Variants in FAHD2A observed in about 807,000 individuals in gnomAD.
FAHD2A encodes fumarylacetoacetate hydrolase domain containing 2A.
FAHD2A carries 27 observed loss-of-function variants against 33.4 expected under a neutral mutation model. The ratio of observed to expected loss-of-function variants is 0.81; its 90% CI spans 0.60 to 1.11. The LOEUF (loss-of-function observed/expected upper bound fraction) is 1.11. Ranked by LOEUF, FAHD2A falls within the 50% of genes most tolerant of loss-of-function variation. FAHD2A has a pLI of 0.00. For missense variants in FAHD2A, 296 were observed against 395.0 expected, an observed-to-expected ratio of 0.75 and a Z score of 2.12; for synonymous variants, 130 against 153.3, an observed-to-expected ratio of 0.85 and a Z score of 1.12.
intron 5 of FAHD2A, among the ~76,000 whole-genome samples, 164 bp from the exon 6 acceptor site, chr2:95,412,270 A>G (rs749073955): frequency 2.6e-5 from 4 of 151,976 alleles, no homozygotes; most frequent in African/African-American, 4.8e-5. Flanking sequence ...GAGAAGGCCA[A>G]TGTCTATACA....
chr2:95,411,101 C>G, intron 5 of FAHD2A, 75 bp downstream of exon 5: 1 of 1,579,034 alleles, frequency 6.3e-7, no homozygotes, highest in Non-Finnish European at 8.6e-7. Context: ...AGCATGGGTT[C>G]AGGTACATGT....
intron 3 of FAHD2A, among the ~76,000 whole-genome samples, chr2:95,409,101 G>A (rs1682074600): frequency 6.6e-6 from 1 of 152,212 alleles, no homozygotes; most frequent in East Asian, 1.9e-4. Flanking sequence ...ATCCCACTGG[G>A]AGGCTCATGT....
chr2:95,410,429 G>A, intron 3 of FAHD2A, 98 bp from the exon 4 acceptor site: 1 of 1,493,042 alleles, frequency 6.7e-7, no homozygotes. Flanking sequence ...AAGCCATACT[G>A]ACAAAGGTTG....
At chr2:95,410,398 G>C (rs2104368136) in intron 3 of FAHD2A, 129 bp from the exon 4 acceptor site, 1 of 1,256,866 alleles carries the variant, frequency 8.0e-7, no homozygotes, top group East Asian at 2.6e-5. Flanking sequence ...TCGTGGTGAT[G>C]GCAAACATGG....
chr2:95,420,836 A>C (rs1371212437), downstream of FAHD2A, among the ~76,000 whole-genome samples: 1 of 152,042 alleles, frequency 6.6e-6, no homozygotes, highest in African/African-American at 2.4e-5. Context: ...TTAAAAAGTA[A>C]AAGAAGCCTT....
Position 95,412,501 on chromosome 2 carries a change from G to C in FAHD2A, c.753G>C (p.Gln251His), listed in dbSNP as rs1682699735. 2.5e-6 allele frequency: 4 copies of C among 1,613,986 alleles called. No individual in the cohort carries two copies. The highest frequency in any genetic ancestry group is 3.4e-6 in the Non-Finnish European group (4 of 1,179,872). ...TGGTCCAGAGCGGCAACACCAACCA[G>C]ATGGTATTCAAGACAGAGGACCTGA... ...GEVVQSGNTN[Q>H]MVFKTEDLIA... The change falls in exon 6 of 8, where the codon CAG (glutamine) becomes CAC (histidine). Residue 251 changes from glutamine to histidine, a missense_variant. Coordinates refer to ENST00000233379, the MANE Select transcript of FAHD2A (RefSeq NM_016044.3).
intron 5 of FAHD2A, 102 bp from the exon 6 acceptor site, chr2:95,412,332 C>A: frequency 7.1e-7 from 1 of 1,412,350 alleles, no homozygotes; most frequent in Non-Finnish European, 9.8e-7. Context: ...GAAGCCCTTT[C>A]ACCTGCCAAG....
intron 5 of FAHD2A, among the ~76,000 whole-genome samples, chr2:95,411,407 C>T (rs1296828746): frequency 1.3e-5 from 2 of 152,262 alleles, no homozygotes. Flanking sequence ...CAGTGTGACT[C>T]ACCCAGCCAC....
intron 4 of FAHD2A, 28 bp from the exon 5 acceptor site, chr2:95,410,836 T>G: frequency 6.2e-7 from 1 of 1,613,160 alleles, no homozygotes; most frequent in African/African-American, 1.3e-5. Flanking sequence ...TCTAACCTCC[T>G]GTATGGCCAA....
At chr2:95,403,401 G>A (rs903046270) in intron 1 of FAHD2A, among the ~76,000 whole-genome samples, 3 of 152,194 alleles carry the variant, frequency 2.0e-5, no homozygotes, top group African/African-American at 7.2e-5. Context: ...GGGTTCTCTT[G>A]GAGAGCTGGT....
chr2:95,413,480 G>A lies in FAHD2A; in HGVS notation c.*523G>A, dbSNP rs1297673464. On this transcript the variant is annotated 3_prime_UTR_variant, in exon 8 of 8. Coordinates refer to ENST00000233379, the MANE Select transcript of FAHD2A (RefSeq NM_016044.3). ...CTACAAGTGAACTGCCGGATGAACT[G>A]TTCTAGTTTTTCCTGATTGTCCAGG... 1.2e-6 allele frequency: 2 copies of A among 1,610,618 alleles called. No homozygotes were observed. Among genetic ancestry groups the A allele is most frequent in the East Asian group, 2.2e-5 (1 of 44,854 alleles).
rs543587843 is a variant in FAHD2A, at chr2:95,408,728, A to G, written c.462+1571A>G. Among the ~76,000 whole-genome samples, 27 of 152,332 alleles carry G rather than the reference A, an allele frequency of 1.8e-4. 1 individual carries two copies. The South Asian group carries it at 5.4e-3, about 30-fold the overall frequency. ...GCACGTTAGAATTATGGGAGCTACA[A>G]GTTGAGATTTGGGTGGGGACACAGA... On this transcript the variant is annotated intron_variant, in intron 3 of 7. Coordinates refer to ENST00000233379, the MANE Select transcript of FAHD2A (RefSeq NM_016044.3).
chr2:95,410,463 CCT>C (rs1682289480), intron 3 of FAHD2A, 62 bp from the exon 4 acceptor site: 3 of 1,560,516 alleles, frequency 1.9e-6, no homozygotes, highest in East Asian at 2.4e-5. Flanking sequence ...TGGTGTGCAG[CCT>C]CTCAGCATGG....
intron 3 of FAHD2A, chr2:95,407,431 C>T (rs898079791): frequency 9.7e-6 from 5 of 514,728 alleles, no homozygotes; most frequent in African/African-American, 3.8e-5. Context: ...GCCCATGGCT[C>T]GGAATATTAA....
At chr2:95,409,501 G>T (rs1378839099) in intron 3 of FAHD2A, among the ~76,000 whole-genome samples, 2 of 152,128 alleles carry the variant, frequency 1.3e-5, no homozygotes, top group African/African-American at 2.4e-5. Context: ...TAGAGACGGG[G>T]TTTCATCATG....
In FAHD2A at chr2:95,410,552, C is replaced by T; in HGVS notation, c.488C>T (p.Ala163Val). Residue 163 changes from alanine (A) to valine (V), a missense_variant, in exon 4 of 8, where the codon GCC becomes GTC. Physicochemically the swap from Ala to Val is moderately conservative, Grantham distance 64 (BLOSUM62 0). Transcript: ENST00000233379. Reference protein sequence around the residue: ...SQEVDWEVELAVVIGKKGKHI... With the variant: ...SQEVDWEVELVVVIGKKGKHI... ...GAGGTAGATTGGGAAGTGGAGCTGG[C>T]CGTGGTCATTGGAAAGAAAGGCAAG... is the stretch of plus-strand genomic sequence containing the variant. 6.2e-7 allele frequency: 1 copy of T among 1,612,404 alleles called. No homozygotes were observed. Among genetic ancestry groups the T allele is most frequent in the African/African-American group, 1.3e-5 (1 of 74,984 alleles).
In FAHD2A at chr2:95,405,581, G is replaced by A. The variant is rs753228666; in HGVS notation, c.23G>A (p.Arg8Lys). 6.2e-7 allele frequency: 1 copy of A among 1,613,216 alleles called. No individual in the cohort carries two copies. The highest frequency in any genetic ancestry group is 1.1e-5 in the South Asian group (1 of 91,066). The change falls in exon 2 of 8, where the codon AGG becomes AAG. Residue 8 changes from arginine (R) to lysine (K), a missense_variant. Transcript: ENST00000233379. MLVSGRR[R>K]LLTVLLQAQK... ...CTGATGCTGGTGTCTGGTAGAAGAAGGTTACTCACAGTTCTGCTGCAGGCT... is the reference window on the plus strand; with the variant it reads ...CTGATGCTGGTGTCTGGTAGAAGAAAGTTACTCACAGTTCTGCTGCAGGCT...
chr2:95,403,468 G>A (rs1052011760), intron 1 of FAHD2A, among the ~76,000 whole-genome samples: 33 of 152,184 alleles, frequency 2.2e-4, no homozygotes, highest in Admixed American at 3.9e-4. Flanking sequence ...CCCCACGCAT[G>A]TCTGTTAGCA....
chr2:95,413,672 C>T lies in FAHD2A; in HGVS notation c.*715C>T, dbSNP rs1352838985. On this transcript the variant is annotated 3_prime_UTR_variant, in exon 8 of 8. Coordinates refer to ENST00000233379, the MANE Select transcript of FAHD2A (RefSeq NM_016044.3). ...CAGAAACCTGCCTTGAGACCTCTGA[C>T]CCCTTAGGCCTCAGTGTTTGAGTGC... The T allele has an allele frequency of 4.1e-6, 5 of 1,212,782 alleles. No homozygotes were observed. The highest frequency in any genetic ancestry group is 3.0e-5 in the Admixed American group (1 of 33,688). 75.1% of individuals were successfully genotyped at this position (1,212,782 alleles called of 1,614,324 possible).
Sources: allele counts gnomAD v4.1 joint callset (sites outside exome capture counted in the v4.1 genomes callset), GRCh38; gene constraint gnomAD v4.1.1; transcripts MANE v1.5; gene names NCBI Gene and HGNC (gene_info 2026-07-23, HGNC 2026-07-21).